NMD3: variants seen among roughly 807,000 people sequenced by gnomAD.
NMD3 encodes the protein NMD3 ribosome export adaptor.
A neutral mutation model predicts 73.1 loss-of-function variants in NMD3; 47 were observed. The ratio of observed to expected loss-of-function variants is 0.64; its 90% CI spans 0.51 to 0.82. The LOEUF is 0.82. Among genes scored for constraint, NMD3 ranks in the 40% least tolerant of loss-of-function variants. The pLI is 0.00. For synonymous variants in NMD3, 210 were observed against 194.5 expected (o/e 1.08, Z -0.66); for missense variants, 554 against 612.5 (o/e 0.90, Z 1.01).
intron 4 of NMD3, among the ~76,000 whole-genome samples, chr3:161,228,800 T>TTA (rs1288614706): frequency 1.3e-5 from 2 of 152,224 alleles, no homozygotes; most frequent in Non-Finnish European, 2.9e-5. Context: ...CATGCCAGTG[T>TTA]GGAGCAGCAT....
chr3:161,237,515 C>T (rs1228297775), intron 7 of NMD3, among the ~76,000 whole-genome samples: 1 of 148,520 alleles, frequency 6.7e-6, no homozygotes, highest in Non-Finnish European at 1.5e-5. Flanking sequence ...TAGATTATTC[C>T]ATTTATTACA....
rs928403537 is a variant in NMD3 at position 161,231,895 on chromosome 3, A to G, written c.277-1504A>G. On this transcript the variant is annotated intron_variant, in intron 4 of 15. Coordinates refer to ENST00000351193, the MANE Select transcript of NMD3 (RefSeq NM_015938.5). ...GGGAGGAGTGTTAGATGGGGACAGA[A>G]TAGGGAATATGCATAACCATATGGA... Among the ~76,000 whole-genome samples, 5 of 152,260 alleles carry G rather than the reference A, an allele frequency of 3.3e-5. No homozygotes were observed. The South Asian group carries it at 1.0e-3, about 32-fold the overall frequency.
chr3:161,223,147 G>A (rs981603168), intron 2 of NMD3: 12 of 152,204 alleles, frequency 7.9e-5, no homozygotes, highest in African/African-American at 2.9e-4. Context: ...TTTCTTTCCA[G>A]GTGGTACCGC....
chr3:161,228,615 G>A (rs1446684197), intron 4 of NMD3, among the ~76,000 whole-genome samples: 2 of 150,714 alleles, frequency 1.3e-5, no homozygotes, highest in Non-Finnish European at 3.0e-5. Context: ...TTGGTTTTTT[G>A]CTTTTATACT....
chr3:161,227,101 TAAAA>T (rs1736347827), intron 3 of NMD3, 142 bp from the exon 4 acceptor site: 4 of 536,200 alleles, frequency 7.5e-6, no homozygotes, highest in Non-Finnish European at 1.3e-5. Flanking sequence ...TTGGAACCAT[TAAAA>T]TATGTTTGAG....
At chr3:161,234,439 T>TTATATATATA (rs59829615) in intron 5 of NMD3, among the ~76,000 whole-genome samples, 20 of 145,520 alleles carry the variant, frequency 1.4e-4, no homozygotes, top group African/African-American at 4.8e-4. Flanking sequence ...TCAAAAAAAA[T>TTATATATATA]TATATATATA....
At chr3:161,237,381 T>C (rs772462141) in intron 7 of NMD3, among the ~76,000 whole-genome samples, 16 of 152,146 alleles carry the variant, frequency 1.1e-4, no homozygotes, top group Non-Finnish European at 2.2e-4. Context: ...TATTTTGGTT[T>C]TGAGAGAGTC....
intron 4 of NMD3, among the ~76,000 whole-genome samples, chr3:161,231,768 T>A (rs1560066890): frequency 6.6e-6 from 1 of 152,062 alleles, no homozygotes; most frequent in Non-Finnish European, 1.5e-5. Flanking sequence ...TCAGGAGATC[T>A]AGAAGGTGAA....
chr3:161,250,735 A>T (rs1277433879), intron 15 of NMD3, 45 bp from the exon 16 acceptor site: 1 of 1,227,956 alleles, frequency 8.1e-7, no homozygotes, highest in African/African-American at 1.5e-5. Context: ...CTTTGTATAC[A>T]TATAAATACT....
At chr3:161,243,605 T>C (rs1737077813) in intron 11 of NMD3, among the ~76,000 whole-genome samples, 1 of 152,216 alleles carries the variant, frequency 6.6e-6, no homozygotes, top group African/African-American at 2.4e-5. Context: ...AACTAGTGCA[T>C]TTATCTTGTA....
chr3:161,222,258 G>C (rs1055522046), intron 2 of NMD3, among the ~76,000 whole-genome samples: 1 of 151,992 alleles, frequency 6.6e-6, no homozygotes, highest in Non-Finnish European at 1.5e-5. Context: ...AGCTCTAAGA[G>C]GGTTAAAATA....
intron 2 of NMD3, 43 bp downstream of exon 2, chr3:161,222,100 T>G: frequency 1.3e-6 from 2 of 1,542,722 alleles, no homozygotes; most frequent in Non-Finnish European, 1.8e-6. Flanking sequence ...TGTGAAAATC[T>G]TCAGTGAGCC....
In NMD3 at chr3:161,249,615, A is replaced by G. The variant is rs1737398447; in HGVS notation, c.1310+55A>G. ...GTCTCAAAGGAAATATTTATGATAA[A>G]TACTTTTTATGTTGTAAAGAAATAG... On this transcript the variant is annotated intron_variant, in intron 14 of 15. Coordinates refer to ENST00000351193, the MANE Select transcript of NMD3 (RefSeq NM_015938.5). 8.3e-6 allele frequency: 9 copies of G among 1,089,814 alleles called. No individual in the cohort carries two copies. The East Asian group carries it at 2.3e-4, about 28-fold the overall frequency. 67.5% of individuals were successfully genotyped at this position (1,089,814 alleles called of 1,614,324 possible).
chr3:161,251,052 C>T lies in NMD3; in HGVS notation c.*142C>T. The T allele has an allele frequency of 1.8e-6, 1 of 561,586 alleles. No homozygotes were observed. 34.8% of individuals were successfully genotyped at this position (561,586 alleles called of 1,614,324 possible). A position where few individuals can be genotyped will look rare whatever the true frequency, so the allele number is the denominator to read the frequency against. On this transcript the variant is annotated 3_prime_UTR_variant, in exon 16 of 16. Coordinates refer to ENST00000351193, the MANE Select transcript of NMD3 (RefSeq NM_015938.5). Reference sequence around the variant, plus strand: ...AATAAACATGTTTGTTTTCAGTGCTCACTCAAACCACTAAAACAGATGGAT... The same window carrying T: ...AATAAACATGTTTGTTTTCAGTGCTTACTCAAACCACTAAAACAGATGGAT...
In NMD3 at chr3:161,233,419, CTTTG is replaced by C; in HGVS notation, c.302_305del (p.Val101GlyfsTer13). Reference sequence around the variant, plus strand: ...TGAAGGTACGGCTTGTAGATGCAGGCTTTGTTTGGACTGAGCCTCATTCTAAGAG... The same window carrying C: ...TGAAGGTACGGCTTGTAGATGCAGGCTTTGGACTGAGCCTCATTCTAAGAG... On this transcript the variant is annotated frameshift_variant, in exon 5 of 16. Coordinates refer to ENST00000351193, the MANE Select transcript of NMD3 (RefSeq NM_015938.5). LOFTEE classifies it high-confidence loss of function. The C allele has an allele frequency of 1.2e-6, 2 of 1,608,410 alleles. No individual in the cohort carries two copies. The highest frequency in any genetic ancestry group is 2.2e-5 in the South Asian group (2 of 89,992).
chr3:161,224,227 A>T (rs981571694), intron 2 of NMD3, among the ~76,000 whole-genome samples: 1 of 152,220 alleles, frequency 6.6e-6, no homozygotes, highest in Non-Finnish European at 1.5e-5. Context: ...AATTAAAAAA[A>T]TAAATTGAGT....
At chr3:161,243,658 T>A (rs1028698052) in intron 11 of NMD3, among the ~76,000 whole-genome samples, 1 of 152,234 alleles carries the variant, frequency 6.6e-6, no homozygotes, top group Non-Finnish European at 1.5e-5. Flanking sequence ...TTCCTCATGA[T>A]GCCATTTAAC....
intron 6 of NMD3, 43 bp from the exon 7 acceptor site, chr3:161,235,079 C>A: frequency 9.0e-7 from 1 of 1,115,696 alleles, no homozygotes; most frequent in Non-Finnish European, 1.3e-6. Flanking sequence ...CTATAAATGG[C>A]TTTTTTGTGG....
chr3:161,221,815 T>A, intron 1 of NMD3, 179 bp from the exon 2 acceptor site: 1 of 469,142 alleles, frequency 2.1e-6, no homozygotes, highest in Non-Finnish European at 3.8e-6. Context: ...CTTAAAGTTC[T>A]TTTTAACGAA....
Sources: gnomAD v4.1 joint callset for allele counts (sites outside exome capture counted in the v4.1 genomes callset) on GRCh38, gnomAD v4.1.1 for gene constraint, MANE v1.5 for transcripts, NCBI Gene and HGNC (gene_info 2026-07-23, HGNC 2026-07-21) for gene names.